DNAH11: variants seen among roughly 807,000 people sequenced by gnomAD.
The protein encoded by DNAH11 is dynein axonemal heavy chain 11.
In DNAH11, 442 loss-of-function variants were observed where a neutral mutation model predicts 526.0. The observed-to-expected ratio is 0.84, with a 90% CI of 0.78 to 0.91. The LOEUF is 0.91. Ranked by LOEUF, DNAH11 falls within the 40% of genes least tolerant of loss-of-function variation. DNAH11 has a pLI of 0.00. For missense variants in DNAH11, 6,989 were observed against 5,448.7 expected (o/e 1.28, Z -8.90); for synonymous variants, 2,461 against 1,935.9 (o/e 1.27, Z -7.12).
intron 61 of DNAH11, among the ~76,000 whole-genome samples, chr7:21,789,797 C>CTTTCTTTCTTTCTTT (rs1562547060): frequency 1.5e-5 from 1 of 68,288 alleles, no homozygotes; most frequent in Non-Finnish European, 3.1e-5. Context: ...TTCTTTCTTT[C>CTTTCTTTCTTTCTTT]TTTCTTTCTT....
At chr7:21,899,043 A>G (rs1419656545) in intron 79 of DNAH11, among the ~76,000 whole-genome samples, 1 of 152,254 alleles carries the variant, frequency 6.6e-6, no homozygotes, top group Non-Finnish European at 1.5e-5. Flanking sequence ...TAGTCACCAC[A>G]TAGCATGAAG....
chr7:21,855,076 C>T (rs545893035), intron 68 of DNAH11, among the ~76,000 whole-genome samples: 17 of 147,206 alleles, frequency 1.2e-4, no homozygotes, highest in Non-Finnish European at 1.8e-4. Context: ...CTGTCGCCCA[C>T]GCTGGAGTGC....
intron 18 of DNAH11, among the ~76,000 whole-genome samples, chr7:21,602,214 C>G (rs1275563742): frequency 6.6e-6 from 1 of 152,038 alleles, no homozygotes; most frequent in African/African-American, 2.4e-5. Context: ...GTGGCACGCA[C>G]CTGTAGTCCA....
At chr7:21,888,299 C>G (rs1784203939) in intron 76 of DNAH11, among the ~76,000 whole-genome samples, 1 of 152,124 alleles carries the variant, frequency 6.6e-6, no homozygotes, top group Admixed American at 6.5e-5. Flanking sequence ...TCACAATGAA[C>G]TGGAGCTTCT....
Position 21,544,935 on chromosome 7 carries a change from A to C in DNAH11, c.352-71A>C. On this transcript the variant is annotated intron_variant, in intron 1 of 81. Coordinates refer to ENST00000409508, the MANE Select transcript of DNAH11 (RefSeq NM_001277115.2). Reference sequence around the variant, plus strand: ...TTTCTTCTGCTAGCAATACAGCTACAAGTTGGATATAGTAAATCCTGCTTG... The same window carrying C: ...TTTCTTCTGCTAGCAATACAGCTACCAGTTGGATATAGTAAATCCTGCTTG... 2.3e-6 allele frequency: 3 copies of C among 1,322,918 alleles called. No individual in the cohort carries two copies. The South Asian group carries it at 4.7e-5, about 21-fold the overall frequency. The allele number at this position is 1,322,918 out of a possible 1,614,324, so 81.9% of individuals were successfully genotyped here. A position where few individuals can be genotyped will look rare whatever the true frequency, so the allele number is the denominator to read the frequency against.
intron 42 of DNAH11, among the ~76,000 whole-genome samples, chr7:21,714,853 C>T (rs1450804287): frequency 1.3e-5 from 2 of 152,114 alleles, no homozygotes; most frequent in African/African-American, 4.8e-5. Context: ...TAAGACACGT[C>T]ATCCCTAAGT....
chr7:21,803,868 A>G (rs1054921486), intron 62 of DNAH11, among the ~76,000 whole-genome samples: 2 of 151,818 alleles, frequency 1.3e-5, no homozygotes, highest in Non-Finnish European at 2.9e-5. Flanking sequence ...GGCTATCATC[A>G]TTGAAGTCTG....
chr7:21,836,241 A>G (rs191277551), intron 65 of DNAH11, among the ~76,000 whole-genome samples: 1 of 152,296 alleles, frequency 6.6e-6, no homozygotes, highest in Non-Finnish European at 1.5e-5. Context: ...ACAGAAATAG[A>G]TAAAACCATC....
At chr7:21,744,354 C>G in intron 49 of DNAH11, 84 bp from the exon 50 acceptor site, 3 of 1,423,880 alleles carry the variant, frequency 2.1e-6, no homozygotes, top group East Asian at 2.3e-5. Flanking sequence ...GCTAAGTTCA[C>G]ATTTTAGTTT....
Position 21,591,305 on chromosome 7 carries a change from G to A in DNAH11, c.2395G>A (p.Ala799Thr), listed in dbSNP as rs1784672716. The stretch of plus-strand genomic sequence containing the variant: ...GGCTATTGACGAGCAGCTGACAGCA[G>A]CCACAACGTGGCTGACATGGCAGGA... The part of the protein sequence containing the change: ...LRAIDEQLTA[A>T]TTWLTWQDDC... The change falls in exon 14 of 82, where the codon GCC (alanine) becomes ACC (threonine). Residue 799 changes from alanine (A) to threonine (T), a missense_variant. Ala to Thr is a moderately conservative substitution (Grantham distance 58). Coordinates refer to ENST00000409508, the MANE Select transcript of DNAH11 (RefSeq NM_001277115.2). 6.2e-7 allele frequency: 1 copy of A among 1,613,886 alleles called. No individual in the cohort carries two copies. The highest frequency in any genetic ancestry group is 1.3e-5 in the African/African-American group (1 of 75,048).
chr7:21,621,669 C>T (rs866747724), intron 25 of DNAH11, among the ~76,000 whole-genome samples: 1,666 of 148,848 alleles, frequency 0.011, 37 homozygotes, highest in African/African-American at 0.041. Context: ...TGGTTCAATA[C>T]ACACAAATCA....
rs189630901 is a variant in DNAH11 at position 21,748,851 on chromosome 7, C to G, written c.8673+109C>G. Reference sequence around the variant, plus strand: ...GACTCCCAGATTTGGCCAAGGCCTCCCCAACCACGGGAGAGCGGGAGCTCT... The same window carrying G: ...GACTCCCAGATTTGGCCAAGGCCTCGCCAACCACGGGAGAGCGGGAGCTCT... On this transcript the variant is annotated intron_variant, in intron 52 of 81. Transcript: ENST00000409508. 3,411 of 1,180,228 alleles carry G rather than the reference C, an allele frequency of 2.9e-3. 80 individuals carry two copies. In the African/African-American group the frequency reaches 0.048, roughly 16 times the overall value. 73.1% of individuals were successfully genotyped at this position (1,180,228 alleles called of 1,614,324 possible).
chr7:21,564,250 C>A lies in DNAH11; in HGVS notation c.1047C>A (p.Leu349=), dbSNP rs1211177674. The A allele has an allele frequency of 6.2e-7, 1 of 1,613,516 alleles. No homozygotes were observed. The highest frequency in any genetic ancestry group is 8.5e-7 in the Non-Finnish European group (1 of 1,179,714). ...CTCTGAGGAGACACATCCAGTGTCT[C>A]CAGGAGACGGAATTCCCACAGACAC... ...LRPLRRHIQC[L]QETEFPQTRI... Residue 349 remains leucine (L), a synonymous_variant, in exon 6 of 82, where the codon CTC becomes CTA. Transcript: ENST00000409508.
intron 66 of DNAH11, among the ~76,000 whole-genome samples, chr7:21,846,936 A>C (rs1253519372): frequency 6.6e-6 from 1 of 152,118 alleles, no homozygotes; most frequent in Non-Finnish European, 1.5e-5. Context: ...CTGCCCTCCA[A>C]AGTTTCAGTT....
intron 8 of DNAH11, among the ~76,000 whole-genome samples, chr7:21,573,712 T>C (rs1396452067): frequency 6.6e-6 from 1 of 152,144 alleles, no homozygotes; most frequent in Non-Finnish European, 1.5e-5. Context: ...TGCATGTACA[T>C]ATGAATACAT....
intron 75 of DNAH11, among the ~76,000 whole-genome samples, chr7:21,882,571 G>A (rs1378889870): frequency 7.9e-5 from 12 of 152,170 alleles, no homozygotes; most frequent in East Asian, 3.9e-4. Context: ...CAAGTCGGGC[G>A]GATCGCTTGA....
intron 30 of DNAH11, among the ~76,000 whole-genome samples, chr7:21,661,173 A>AT (rs1562736319): frequency 6.6e-6 from 1 of 152,066 alleles, no homozygotes; most frequent in East Asian, 1.9e-4. Flanking sequence ...TTTAAACCTT[A>AT]TTTTTTTAAA....
intron 73 of DNAH11, 131 bp from the exon 74 acceptor site, chr7:21,873,143 G>A (rs1783564526): frequency 6.4e-6 from 5 of 782,708 alleles, no homozygotes; most frequent in Non-Finnish European, 1.0e-5. Flanking sequence ...TTTTTATGAT[G>A]TATTGATAAA....
intron 47 of DNAH11, among the ~76,000 whole-genome samples, 158 bp from the exon 48 acceptor site, chr7:21,739,413 G>T (rs1247652134): frequency 6.6e-6 from 1 of 152,150 alleles, no homozygotes; most frequent in Non-Finnish European, 1.5e-5. Flanking sequence ...TTGAGCTTCA[G>T]TTTTGATGTC....
Sources: gnomAD v4.1 joint callset for allele counts (sites outside exome capture counted in the v4.1 genomes callset) on GRCh38, gnomAD v4.1.1 for gene constraint, MANE v1.5 for transcripts, NCBI Gene and HGNC (gene_info 2026-07-23, HGNC 2026-07-21) for gene names.